The following ZNF486 variants were observed in gnomAD, a reference collection of about 807,000 sequenced individuals.
The protein encoded by ZNF486 is KRAB box only protein 2.
In ZNF486, 12 loss-of-function variants were observed where a neutral mutation model predicts 12.8. The ratio of observed to expected loss-of-function variants is 0.94; its 90% confidence interval spans 0.60 to 1.52. ZNF486 has a LOEUF of 1.52. ZNF486 is among the 40% of genes most tolerant of loss of function. The pLI is 0.00. For missense variants in ZNF486, 738 were observed against 545.0 expected (o/e 1.35, Z -3.53); for synonymous variants, 231 against 184.9 (o/e 1.25, Z -2.02).
At chr19:20,172,650 TTC>T (rs1438837303) in intron 1 of ZNF486, among the ~76,000 whole-genome samples, 51 of 148,312 alleles carry the variant, frequency 3.4e-4, no homozygotes, top group African/African-American at 1.3e-3. Flanking sequence ...CTTGTTTAAG[TTC>T]TTTTTTTTTT....
At chr19:20,196,065 C>G (rs2089955483) in intron 3 of ZNF486, among the ~76,000 whole-genome samples, 1 of 152,204 alleles carries the variant, frequency 6.6e-6, no homozygotes. Context: ...GTTACCTAGT[C>G]TCAAGTGCAG....
chr19:20,193,801 CTTTT>C (rs1216305892), intron 3 of ZNF486, among the ~76,000 whole-genome samples: 4 of 151,080 alleles, frequency 2.6e-5, no homozygotes, highest in Admixed American at 2.0e-4. Context: ...CATTTTCTGT[CTTTT>C]TTGTGTTTTT....
intron 3 of ZNF486, among the ~76,000 whole-genome samples, chr19:20,186,463 C>G (rs1173293413): frequency 1.3e-5 from 2 of 152,086 alleles, no homozygotes; most frequent in East Asian, 3.9e-4. Context: ...TGCTTCAGAT[C>G]TGAAATGTGT....
At chr19:20,181,548 A>AAAAC (rs2089787363) in intron 1 of ZNF486, among the ~76,000 whole-genome samples, 3 of 146,258 alleles carry the variant, frequency 2.1e-5, no homozygotes, top group African/African-American at 7.8e-5. Flanking sequence ...AAAAACAAAA[A>AAAAC]AAAAAAAAGG....
intron 3 of ZNF486, chr19:20,188,355 CAT>C: frequency 2.5e-6 from 1 of 397,686 alleles, no homozygotes. Context: ...TTTAAAAACA[CAT>C]AACATAAAAT....
At chr19:20,187,267 T>G (rs2089857981) in intron 3 of ZNF486, among the ~76,000 whole-genome samples, 1 of 152,164 alleles carries the variant, frequency 6.6e-6, no homozygotes, top group Admixed American at 6.5e-5. Flanking sequence ...AGTGTATTTA[T>G]CACTTCAGAC....
chr19:20,170,153 T>TCCCGAAGTGCTGGGATTACAGGCGTGAG (rs2089633604), intron 1 of ZNF486, among the ~76,000 whole-genome samples: 1 of 151,852 alleles, frequency 6.6e-6, no homozygotes, highest in Non-Finnish European at 1.5e-5. Flanking sequence ...CGCCTCGGCC[T>TCCCGAAGTGCTGGGATTACAGGCGTGAG]CCCGAAGTGC....
intron 1 of ZNF486, among the ~76,000 whole-genome samples, chr19:20,171,515 A>G (rs2089648178): frequency 6.6e-6 from 1 of 152,174 alleles, no homozygotes; most frequent in Admixed American, 6.5e-5. Flanking sequence ...GTCTACTGGC[A>G]TGTCTCCACC....
chr19:20,179,629 TG>T (rs2089762576), intron 1 of ZNF486, among the ~76,000 whole-genome samples: 1 of 152,120 alleles, frequency 6.6e-6, no homozygotes, highest in Non-Finnish European at 1.5e-5. Flanking sequence ...GTCTGCCCTC[TG>T]CCTGGGATTT....
chr19:20,186,210 TTTTATTTA>T (rs149807694), intron 3 of ZNF486, 128 bp downstream of exon 3: 3 of 480,474 alleles, frequency 6.2e-6, no homozygotes, highest in East Asian at 4.4e-5. Context: ...TGGGCAGCTG[TTTTATTTA>T]TTTATTTATT....
At chr19:20,182,699 A>G (rs547032133) in intron 1 of ZNF486, among the ~76,000 whole-genome samples, 100 of 152,264 alleles carry the variant, frequency 6.6e-4, no homozygotes, top group African/African-American at 2.2e-3. Context: ...TTATATTTCT[A>G]TCTTCATGGA....
At chr19:20,172,226 G>T (rs913503553) in intron 1 of ZNF486, among the ~76,000 whole-genome samples, 15 of 151,584 alleles carry the variant, frequency 9.9e-5, no homozygotes, top group African/African-American at 3.6e-4. Flanking sequence ...TGATCATAAA[G>T]TTCCAACCTC....
intron 1 of ZNF486, among the ~76,000 whole-genome samples, chr19:20,182,723 C>G (rs192550253): frequency 6.6e-6 from 1 of 152,058 alleles, no homozygotes; most frequent in Non-Finnish European, 1.5e-5. Flanking sequence ...ATTCATTGTT[C>G]CCTGAATCTC....
Position 20,197,906 on chromosome 19 carries a change from C to G in ZNF486, c.1196C>G (p.Thr399Ser). The change falls in exon 4 of 4, where the codon ACT becomes AGT. Residue 399 changes from threonine to serine, a missense_variant. Coordinates refer to ENST00000335117, the MANE Select transcript of ZNF486 (RefSeq NM_052852.4). ...WSAGLHKHRRTHTGEKPYKCE... is the reference protein window; with the variant it reads ...WSAGLHKHRRSHTGEKPYKCE... ...GCAGGCCTCCATAAACATAGGAGAA[C>G]TCATACTGGAGAGAAACCCTACAAA... 1 of 1,610,790 alleles carries G rather than the reference C, an allele frequency of 6.2e-7. No individual in the cohort carries two copies. The highest frequency in any genetic ancestry group is 8.5e-7 in the Non-Finnish European group (1 of 1,179,010).
At chr19:20,169,634 A>AT (rs1808872157) in intron 1 of ZNF486, among the ~76,000 whole-genome samples, 1 of 152,184 alleles carries the variant, frequency 6.6e-6, no homozygotes, top group Admixed American at 6.5e-5. Flanking sequence ...ACTTTTTAAG[A>AT]TAAAAACGTC....
At position 20,197,178 on chromosome 19, in the gene ZNF486, T is replaced by A. The variant is rs782039133; in HGVS notation, c.468T>A (p.Cys156Ter). 1.2e-6 allele frequency: 2 copies of A among 1,613,642 alleles called. No homozygotes were observed. Among genetic ancestry groups the A allele is most frequent in the Non-Finnish European group, 1.7e-6 (2 of 1,179,882 alleles). The change falls in exon 4 of 4, where the codon TGT becomes TGA. Residue 156 changes from cysteine to a stop codon, truncating the protein, a stop_gained. Coordinates refer to ENST00000335117, the MANE Select transcript of ZNF486 (RefSeq NM_052852.4). LOFTEE classifies it low-confidence loss of function (END_TRUNC). ...CTACCCAGAGCAAAATATTTCAATG[T>A]GGTAAATATGTGAAAGTCTTTCATC... ...LTTTQSKIFQ[C>*]GKYVKVFHQF...
At chr19:20,189,385 G>A (rs782146050) in intron 3 of ZNF486, among the ~76,000 whole-genome samples, 5 of 152,096 alleles carry the variant, frequency 3.3e-5, no homozygotes, top group Non-Finnish European at 7.4e-5. Flanking sequence ...TACGTATTTT[G>A]TAAATAGATA....
At chr19:20,184,246 A>G (rs1555715977) in intron 1 of ZNF486, 110 bp from the exon 2 acceptor site, 15 of 1,474,688 alleles carry the variant, frequency 1.0e-5, no homozygotes, top group Non-Finnish European at 1.2e-5. Context: ...GGATAATTTT[A>G]GTCAATCCTA....
chr19:20,174,400 CT>C (rs34383133), intron 1 of ZNF486, among the ~76,000 whole-genome samples: 9,580 of 142,108 alleles, frequency 0.067, 562 homozygotes, highest in African/African-American at 0.18. Flanking sequence ...TTTCTTTCTT[CT>C]TTTTTTTTTT....
Sources: gnomAD v4.1 joint callset for allele counts (sites outside exome capture counted in the v4.1 genomes callset) on GRCh38, gnomAD v4.1.1 for gene constraint, MANE v1.5 for transcripts, NCBI Gene and HGNC (gene_info 2026-07-23, HGNC 2026-07-21) for gene names.